HGD: variants seen among roughly 807,000 people sequenced by gnomAD.
The protein encoded by HGD is homogentisate oxidase.
A neutral mutation model predicts 60.8 loss-of-function variants in HGD; 61 were observed. The ratio of observed to expected loss-of-function variants is 1.00; its 90% CI spans 0.82 to 1.24. The LOEUF (loss-of-function observed/expected upper bound fraction) is 1.24. Ranked by LOEUF, HGD falls within the 50% of genes most tolerant of loss-of-function variation. HGD has a pLI of 0.00. For missense variants in HGD, 542 were observed against 547.1 expected, an observed-to-expected ratio of 0.99 and a Z score of 0.09; for synonymous variants, 212 against 187.7, an observed-to-expected ratio of 1.13 and a Z score of -1.06.
chr3:120,662,151 T>G (rs1008809959), intron 4 of HGD, among the ~76,000 whole-genome samples: 1 of 152,086 alleles, frequency 6.6e-6, no homozygotes, highest in African/African-American at 2.4e-5. Flanking sequence ...GCTGTGATAG[T>G]GAATCAGAGC....
intron 5 of HGD, 84 bp from the exon 6 acceptor site, chr3:120,650,949 A>G (rs1196318491): frequency 9.7e-7 from 1 of 1,028,270 alleles, no homozygotes; most frequent in East Asian, 2.4e-5. Context: ...GAGGGTCATG[A>G]GGCACATTTC....
intron 1 of HGD, among the ~76,000 whole-genome samples, chr3:120,676,319 C>T (rs190779013): frequency 1.1e-4 from 16 of 152,272 alleles, no homozygotes; most frequent in East Asian, 7.7e-4. Context: ...TATATTTGTG[C>T]GAATGCATGA....
chr3:120,649,103 T>G (rs1203396266), intron 6 of HGD, among the ~76,000 whole-genome samples: 4 of 151,820 alleles, frequency 2.6e-5, no homozygotes, highest in Non-Finnish European at 5.9e-5. Flanking sequence ...ACAGGTCCAT[T>G]CTAAAGGATT....
At chr3:120,663,322 TAA>T (rs375031620) in intron 4 of HGD, among the ~76,000 whole-genome samples, 9 of 152,136 alleles carry the variant, frequency 5.9e-5, no homozygotes, top group African/African-American at 2.2e-4. Flanking sequence ...ATGCTGCTGA[TAA>T]AGACATTCCC....
intron 11 of HGD, among the ~76,000 whole-genome samples, chr3:120,639,804 A>G (rs1208870025): frequency 6.6e-6 from 1 of 152,172 alleles, no homozygotes; most frequent in Non-Finnish European, 1.5e-5. Context: ...CACAGCATTT[A>G]CATCCGTAGT....
intron 4 of HGD, among the ~76,000 whole-genome samples, chr3:120,667,591 G>A (rs79455101): frequency 0.14 from 20,830 of 151,646 alleles, 1,711 homozygotes; most frequent in Middle Eastern, 0.24. Context: ...CTCCCACCCC[G>A]AATAAAACTA....
At chr3:120,644,216 C>T in intron 10 of HGD, 103 bp downstream of exon 10, 1 of 1,372,574 alleles carries the variant, frequency 7.3e-7, no homozygotes. Context: ...GGTATGATAA[C>T]AACGAAAGGA....
At chr3:120,653,775 G>A (rs1941412669) in intron 4 of HGD, among the ~76,000 whole-genome samples, 1 of 152,144 alleles carries the variant, frequency 6.6e-6, no homozygotes, top group Non-Finnish European at 1.5e-5. Flanking sequence ...ATAATAGGGG[G>A]ACCTGAGGGC....
chr3:120,656,601 G>T (rs749128368), intron 4 of HGD, among the ~76,000 whole-genome samples: 20 of 152,024 alleles, frequency 1.3e-4, no homozygotes, highest in Admixed American at 2.6e-4. Flanking sequence ...ACCCAGGCTG[G>T]AGTGCAGTGG....
At position 120,650,865 on chromosome 3, in the gene HGD, C is replaced by T; in HGVS notation, c.343G>A (p.Gly115Ser). 6.2e-7 allele frequency: 1 copy of T among 1,612,164 alleles called. No individual in the cohort carries two copies. Among genetic ancestry groups the T allele is most frequent in the Non-Finnish European group, 8.5e-7 (1 of 1,178,176 alleles). ...ASQKKVDFVS[G>S]LHTLCGAGDI... is the part of the protein sequence containing the mutation. ...CCAGCTCCACACAAGGTATGCAGGC[C>T]CTGGGAGAGACCCACAGAAGAGGGA... The change falls in exon 6 of 14, where the codon GGC becomes AGC. Residue 115 changes from glycine to serine, a missense_variant and splice_region_variant. Gly to Ser is a moderately conservative substitution (Grantham distance 56). Transcript: ENST00000283871.
chr3:120,647,397 C>T (rs955942784), intron 7 of HGD, among the ~76,000 whole-genome samples: 4 of 152,044 alleles, frequency 2.6e-5, no homozygotes, highest in Non-Finnish European at 4.4e-5. Context: ...GACATATACA[C>T]GAAAATGTTG....
intron 12 of HGD, 27 bp from the exon 13 acceptor site, chr3:120,633,355 T>G (rs1940652331): frequency 6.2e-7 from 1 of 1,614,152 alleles, no homozygotes; most frequent in Non-Finnish European, 8.5e-7. Flanking sequence ...AGTATTATTT[T>G]TATTATCCAA....
chr3:120,643,226 C>T (rs553313482), intron 10 of HGD, among the ~76,000 whole-genome samples: 10 of 152,240 alleles, frequency 6.6e-5, no homozygotes, highest in South Asian at 4.2e-4. Context: ...TGGGTTCAAG[C>T]GATTCTCCTG....
intron 4 of HGD, among the ~76,000 whole-genome samples, chr3:120,664,009 C>T (rs375169929): frequency 3.9e-5 from 6 of 152,154 alleles, no homozygotes; most frequent in African/African-American, 4.8e-5. Context: ...CTGATCTCTG[C>T]GGAAAATTCA....
rs180734070 is a variant in HGD, at chr3:120,658,786, G to T, written c.283-6135C>A. ...ATACATCCTCTAAAATCTAGGTGGG[G>T]GCTCCCAGGCCTTAACTCTTGTATC... On this transcript the variant is annotated intron_variant, in intron 4 of 13. Coordinates refer to ENST00000283871, the MANE Select transcript of HGD (RefSeq NM_000187.4). 3.9e-5 allele frequency among the ~76,000 whole-genome samples: 6 copies of T among 152,334 alleles called. No homozygotes were observed. The South Asian group carries it at 1.2e-3, about 32-fold the overall frequency.
intron 4 of HGD, among the ~76,000 whole-genome samples, chr3:120,664,260 T>C (rs1348923854): frequency 2.0e-5 from 3 of 151,998 alleles, no homozygotes. Context: ...AGAAGACAGA[T>C]GTGAGAGGGT....
intron 9 of HGD, chr3:120,644,708 C>A: frequency 2.0e-6 from 2 of 1,019,488 alleles, no homozygotes; most frequent in South Asian, 1.4e-5. Flanking sequence ...TATGCATTAT[C>A]TTATCACTAC....
chr3:120,650,939 G>C, intron 5 of HGD, 74 bp from the exon 6 acceptor site: 1 of 1,070,194 alleles, frequency 9.3e-7, no homozygotes, highest in South Asian at 1.2e-5. Context: ...ACTGGTCCCT[G>C]AGGGTCATGA....
chr3:120,635,139 A>G (rs923432502), intron 12 of HGD, among the ~76,000 whole-genome samples: 2 of 152,168 alleles, frequency 1.3e-5, no homozygotes, highest in Non-Finnish European at 2.9e-5. Context: ...ATCATTTTCT[A>G]TATTTCAAAG....
Sources: gnomAD v4.1 joint callset for allele counts (sites outside exome capture counted in the v4.1 genomes callset) on GRCh38, gnomAD v4.1.1 for gene constraint, MANE v1.5 for transcripts, NCBI Gene and HGNC (gene_info 2026-07-23, HGNC 2026-07-21) for gene names.